F5: variants seen among roughly 807,000 people sequenced by gnomAD.
F5 encodes the protein activated protein c cofactor.
Under a neutral mutation model 216.4 loss-of-function variants are expected in F5, and 138 were observed. That is an observed-to-expected ratio of 0.64 (90% confidence interval 0.56 to 0.73). The LOEUF (loss-of-function observed/expected upper bound fraction) is 0.73, where lower values mean the gene tolerates loss of function less well. F5 is among the 30% of genes least tolerant of loss of function. The probability of loss-of-function intolerance (pLI) is 0.00; values close to 1 mark genes in which losing one functional copy is unlikely to be tolerated. For missense variants in F5, 2,403 were observed against 2,674.0 expected (o/e 0.90, Z 2.24); for synonymous variants, 916 against 930.7 (o/e 0.98, Z 0.29).
At chr1:169,560,145 C>G (rs548780350) in intron 4 of F5, among the ~76,000 whole-genome samples, 2 of 152,268 alleles carry the variant, frequency 1.3e-5, no homozygotes, top group African/African-American at 4.8e-5. Context: ...GTTTATAGAG[C>G]AAATTACCAG....
rs1659824550 is a variant in F5, at chr1:169,540,964, AGAGGTTTGTCTGGCT to A, written c.4111_4125del (p.Gln1372_Ser1376del). On this transcript the variant is annotated inframe_deletion, in exon 13 of 25. Transcript: ENST00000367797. ...AGGTTTGTCTGACTGAGTTCTGGAG[AGAGGTTTGTCTGGCT>A]GAGGTCTAGAGAAAGGGTTGTATGG... The A allele has an allele frequency of 6.3e-7, 1 of 1,595,592 alleles. No individual in the cohort carries two copies. Among genetic ancestry groups the A allele is most frequent in the Non-Finnish European group, 8.6e-7 (1 of 1,166,156 alleles).
chr1:169,564,256 G>T (rs1014279730), intron 3 of F5, among the ~76,000 whole-genome samples: 2 of 152,044 alleles, frequency 1.3e-5, no homozygotes, highest in Non-Finnish European at 2.9e-5. Flanking sequence ...ACATGTATGT[G>T]CAGATCAGTA....
intron 13 of F5, among the ~76,000 whole-genome samples, chr1:169,538,190 C>A (rs1381117179): frequency 6.6e-6 from 1 of 152,110 alleles, no homozygotes; most frequent in Non-Finnish European, 1.5e-5. Context: ...GACAACATGA[C>A]TGAACCAGGA....
Position 169,560,779 on chromosome 1 carries a change from C to G in F5, c.374-13G>C. ...AGGTAAGAAGCACCTGGAGGAGTAA[C>G]AGCCATCAAGACATGTGGGCAGTTT... On this transcript the variant is annotated splice_polypyrimidine_tract_variant and intron_variant, in intron 3 of 24. Transcript: ENST00000367797. The G allele has an allele frequency of 6.2e-7, 1 of 1,611,148 alleles. No homozygotes were observed. Among genetic ancestry groups the G allele is most frequent in the Non-Finnish European group, 8.5e-7 (1 of 1,179,188 alleles).
chr1:169,514,527 T>G, intron 24 of F5, 68 bp from the exon 25 acceptor site: 2 of 1,417,874 alleles, frequency 1.4e-6, no homozygotes, highest in Non-Finnish European at 2.0e-6. Context: ...TTTTTGTTTT[T>G]TTTTAGACAG....
At chr1:169,578,274 G>C (rs1320745990) in intron 2 of F5, among the ~76,000 whole-genome samples, 1 of 152,184 alleles carries the variant, frequency 6.6e-6, no homozygotes, top group African/African-American at 2.4e-5. Context: ...ATACACAGGG[G>C]TTGACAGAAA....
chr1:169,542,662 G>T lies in F5; in HGVS notation c.2428C>A (p.Leu810Met). 1 of 1,614,172 alleles carries T rather than the reference G, an allele frequency of 6.2e-7. No homozygotes were observed. The change falls in exon 13 of 25, where the codon CTG becomes ATG. Residue 810 changes from leucine to methionine, a missense_variant. Physicochemically the swap from Leu to Met is conservative, Grantham distance 15. Coordinates refer to ENST00000367797, the MANE Select transcript of F5 (RefSeq NM_000130.5). ...HQQATTAGSP[L>M]RHLIGKNSVL... The stretch of plus-strand genomic sequence containing the variant: ...GAGTTCTTGCCAATGAGGTGTCTCA[G>T]TGGGGAACCAGCTGTGGTGGCTTGT...
Position 169,542,253 on chromosome 1 carries a change from C to T in F5, c.2837G>A (p.Arg946Lys). 1 of 1,614,100 alleles carries T rather than the reference C, an allele frequency of 6.2e-7. No individual in the cohort carries two copies. Among genetic ancestry groups the T allele is most frequent in the East Asian group, 2.2e-5 (1 of 44,874 alleles). Residue 946 changes from arginine to lysine, a missense_variant, in exon 13 of 25, where the codon AGA becomes AAA. Physicochemically the swap from Arg to Lys is conservative, Grantham distance 26 (BLOSUM62 2). Around this residue, in one of 4 missense-constraint regions of F5, gnomAD observed 1,425 missense variants for 1,554.8 expected, o/e 0.92. Transcript: ENST00000367797. ...QSNSSKILVG[R>K]WHLASEKGSY... ...ACCTTTCTCAGAAGCCAAATGCCATCTCCCAACCAAAATCTTAGATGAGTT... is the reference window on the plus strand; with the variant it reads ...ACCTTTCTCAGAAGCCAAATGCCATTTCCCAACCAAAATCTTAGATGAGTT...
intron 10 of F5, among the ~76,000 whole-genome samples, chr1:169,549,535 C>T (rs1263356444): frequency 1.3e-5 from 2 of 152,074 alleles, no homozygotes; most frequent in South Asian, 4.1e-4. Context: ...CTCAACACAT[C>T]CAATACCAAC....
chr1:169,539,947 C>G (rs573731843), intron 13 of F5, among the ~76,000 whole-genome samples: 1 of 152,288 alleles, frequency 6.6e-6, no homozygotes, highest in East Asian at 1.9e-4. Flanking sequence ...AGGCTAACTT[C>G]AATTAAATCA....
intron 11 of F5, 147 bp from the exon 12 acceptor site, chr1:169,544,655 G>A: frequency 1.4e-6 from 1 of 699,074 alleles, no homozygotes; most frequent in Non-Finnish European, 2.5e-6. Flanking sequence ...TCTAACATGT[G>A]ACTAGAAGAT....
At chr1:169,568,183 G>C (rs898861455) in intron 3 of F5, among the ~76,000 whole-genome samples, 2 of 151,986 alleles carry the variant, frequency 1.3e-5, no homozygotes, top group African/African-American at 4.8e-5. Flanking sequence ...TCGCCTGTCA[G>C]TTACATATAA....
intron 14 of F5, among the ~76,000 whole-genome samples, chr1:169,535,530 T>A (rs1659684813): frequency 6.6e-6 from 1 of 152,166 alleles, no homozygotes; most frequent in African/African-American, 2.4e-5. Flanking sequence ...TTTTCATCCA[T>A]CCCCCGTTCC....
chr1:169,580,572 C>T (rs1203208304), intron 2 of F5, among the ~76,000 whole-genome samples: 2 of 151,850 alleles, frequency 1.3e-5, no homozygotes, highest in South Asian at 2.1e-4. Context: ...TCAGTAGAGG[C>T]GGGGTTTCAC....
intron 1 of F5, among the ~76,000 whole-genome samples, chr1:169,584,894 T>C (rs753626710): frequency 6.6e-6 from 1 of 152,180 alleles, no homozygotes; most frequent in Non-Finnish European, 1.5e-5. Flanking sequence ...CCAGTCATGG[T>C]TCCCTGTGTA....
intron 15 of F5, among the ~76,000 whole-genome samples, chr1:169,530,383 T>C (rs1220533123): frequency 4.6e-5 from 7 of 152,226 alleles, no homozygotes; most frequent in Non-Finnish European, 8.8e-5. Flanking sequence ...ATACTGTGTA[T>C]GACATATTGT....
chr1:169,561,852 T>C (rs1660493778), intron 3 of F5, among the ~76,000 whole-genome samples: 5 of 152,194 alleles, frequency 3.3e-5, no homozygotes, highest in Middle Eastern at 6.8e-3. Context: ...AAACTCCTCT[T>C]ACTGAAGCAA....
chr1:169,520,798 T>C, intron 21 of F5, 134 bp from the exon 22 acceptor site: 2 of 774,308 alleles, frequency 2.6e-6, no homozygotes, highest in Non-Finnish European at 4.2e-6. Flanking sequence ...GGTTATAAAA[T>C]ATACTTGGGG....
At chr1:169,582,067 T>G (rs1417134243) in intron 2 of F5, among the ~76,000 whole-genome samples, 3 of 152,212 alleles carry the variant, frequency 2.0e-5, no homozygotes, top group Non-Finnish European at 4.4e-5. Flanking sequence ...AATAACAGTT[T>G]TTTAGATGAA....
Sources: allele counts gnomAD v4.1 joint callset (sites outside exome capture counted in the v4.1 genomes callset), GRCh38; gene constraint gnomAD v4.1.1; regional missense constraint gnomAD v4.1.1; transcripts MANE v1.5; gene names NCBI Gene and HGNC (gene_info 2026-07-23, HGNC 2026-07-21).